Variants in CES5A observed in about 807,000 individuals in gnomAD.
The protein encoded by CES5A is carboxylesterase 5.
CES5A carries 67 observed loss-of-function variants against 62.9 expected under a neutral mutation model. That is an observed-to-expected ratio of 1.07 (90% confidence interval 0.88 to 1.31). The LOEUF (loss-of-function observed/expected upper bound fraction) is 1.31, where lower values mean the gene tolerates loss of function less well. CES5A is among the 50% of genes most tolerant of loss of function. CES5A has a pLI of 0.00. For missense variants in CES5A, 748 were observed against 708.5 expected (o/e 1.06, Z -0.63); for synonymous variants, 296 against 280.8 (o/e 1.05, Z -0.54).
chr16:55,898,865 A>G (rs575376704), intron 1 of CES5A, among the ~76,000 whole-genome samples: 62 of 152,070 alleles, frequency 4.1e-4, no homozygotes, highest in African/African-American at 1.5e-3. Context: ...CCCAGAGACC[A>G]CTGTGTGTCT....
chr16:55,864,130 G>A (rs28582485), intron 5 of CES5A, among the ~76,000 whole-genome samples: 231 of 152,302 alleles, frequency 1.5e-3, no homozygotes, highest in African/African-American at 5.4e-3. Context: ...ACTGTTGTGA[G>A]GAGCAGGGGA....
At chr16:55,945,953 A>G (rs1318076488) in intron 2 of CES5A, among the ~76,000 whole-genome samples, 2 of 152,068 alleles carry the variant, frequency 1.3e-5, no homozygotes, top group African/African-American at 2.4e-5. Flanking sequence ...CTCCTGAGCA[A>G]TTCCCCACCC....
intron 1 of CES5A, among the ~76,000 whole-genome samples, chr16:55,918,674 A>G (rs60112084): frequency 6.6e-6 from 1 of 152,218 alleles, no homozygotes; most frequent in African/African-American, 2.4e-5. Context: ...CCAGGAGCTT[A>G]CAGATAAGCA....
chr16:55,874,315 C>A (rs2142416448), intron 1 of CES5A, among the ~76,000 whole-genome samples: 1 of 152,332 alleles, frequency 6.6e-6, no homozygotes, highest in East Asian at 1.9e-4. Context: ...CATCTCCCTT[C>A]TGCTGAGAGC....
Position 55,846,423 on chromosome 16 carries a change from G to A in CES5A, c.*28C>T. ...CGGGAGAAATTATGGGAGGAGAAGG[G>A]AAACCAAAATCACAGAAAGATAACT... is the stretch of plus-strand genomic sequence containing the variant. On this transcript the variant is annotated 3_prime_UTR_variant, in exon 13 of 13. Transcript: ENST00000290567. The A allele has an allele frequency of 6.3e-7, 1 of 1,582,464 alleles. No individual in the cohort carries two copies.
intron 5 of CES5A, among the ~76,000 whole-genome samples, chr16:55,864,041 C>T (rs1202476590): frequency 9.8e-5 from 15 of 152,286 alleles, no homozygotes; most frequent in Admixed American, 9.8e-4. Context: ...CCACCGCACC[C>T]AGCCAAGTTG....
intron 1 of CES5A, among the ~76,000 whole-genome samples, chr16:55,892,520 T>G (rs1301952157): frequency 3.3e-5 from 5 of 152,318 alleles, no homozygotes; most frequent in African/African-American, 1.2e-4. Context: ...CAAGGTTTGT[T>G]TAATATTTGA....
intron 1 of CES5A, among the ~76,000 whole-genome samples, chr16:55,895,072 GCTGAC>G (rs1169842830): frequency 2.6e-5 from 4 of 152,184 alleles, no homozygotes; most frequent in African/African-American, 9.7e-5. Context: ...CTCACATCTG[GCTGAC>G]CTTCAGACTC....
At chr16:55,858,942 T>C (rs2033298159) in intron 8 of CES5A, among the ~76,000 whole-genome samples, 3 of 152,188 alleles carry the variant, frequency 2.0e-5, no homozygotes, top group Admixed American at 1.3e-4. Flanking sequence ...TCCTCACTTG[T>C]GTCCTTCATA....
intron 8 of CES5A, among the ~76,000 whole-genome samples, chr16:55,856,720 T>G (rs2033251755): frequency 6.6e-6 from 1 of 152,254 alleles, no homozygotes; most frequent in African/African-American, 2.4e-5. Context: ...GGCTTAATTG[T>G]GGCCCCCTCA....
At chr16:55,860,705 G>C (rs1351694720) in intron 7 of CES5A, among the ~76,000 whole-genome samples, 1 of 152,152 alleles carries the variant, frequency 6.6e-6, no homozygotes, top group Admixed American at 6.5e-5. Flanking sequence ...TTTGAGATTT[G>C]GGTAGAAAGG....
At chr16:55,916,282 T>A (rs1454684380) in intron 1 of CES5A, among the ~76,000 whole-genome samples, 4 of 152,204 alleles carry the variant, frequency 2.6e-5, no homozygotes, top group African/African-American at 9.7e-5. Context: ...CCTGGAATAA[T>A]GACTGGTAAT....
At chr16:55,932,231 C>G (rs910809997) in intron 2 of CES5A, among the ~76,000 whole-genome samples, 20 of 152,324 alleles carry the variant, frequency 1.3e-4, no homozygotes, top group Admixed American at 1.1e-3. Flanking sequence ...CCTCAGGACT[C>G]TGCAGAGAGT....
At chr16:55,909,032 C>T (rs1007468961) in intron 1 of CES5A, among the ~76,000 whole-genome samples, 27 of 152,298 alleles carry the variant, frequency 1.8e-4, no homozygotes, top group Middle Eastern at 3.4e-3. Flanking sequence ...CAACAGGGAA[C>T]GAATGCTCCA....
upstream of CES5A, among the ~76,000 whole-genome samples, chr16:55,878,528 T>C (rs1387460128): frequency 6.6e-6 from 1 of 151,792 alleles, no homozygotes; most frequent in Non-Finnish European, 1.5e-5. Context: ...GGCTCCATTC[T>C]ACAATTCCAA....
intron 11 of CES5A, among the ~76,000 whole-genome samples, chr16:55,847,694 T>C (rs2033044384): frequency 6.6e-6 from 1 of 152,176 alleles, no homozygotes; most frequent in African/African-American, 2.4e-5. Context: ...TTGTCACTTA[T>C]CAAACTGCCA....
At chr16:55,894,505 AAAAAAAAAAAG>A (rs1239620959) in intron 1 of CES5A, among the ~76,000 whole-genome samples, 2 of 150,904 alleles carry the variant, frequency 1.3e-5, no homozygotes, top group Non-Finnish European at 3.0e-5. Flanking sequence ...TCTCAAAAAA[AAAAAAAAAAAG>A]AAAAGAAAAG....
intron 10 of CES5A, among the ~76,000 whole-genome samples, chr16:55,850,210 T>G (rs1306160880): frequency 7.9e-5 from 12 of 152,240 alleles, no homozygotes; most frequent in African/African-American, 2.7e-4. Flanking sequence ...AACAATATTT[T>G]TAAAGCAAAA....
At chr16:55,949,772 T>A in intron 2 of CES5A, 1 of 1,365,804 alleles carries the variant, frequency 7.3e-7, no homozygotes, top group Admixed American at 2.3e-5. Context: ...TAAATTCTTG[T>A]CAAACAACTC....
Sources: gnomAD v4.1 joint callset for allele counts (sites outside exome capture counted in the v4.1 genomes callset) on GRCh38, gnomAD v4.1.1 for gene constraint, MANE v1.5 for transcripts, NCBI Gene and HGNC (gene_info 2026-07-23, HGNC 2026-07-21) for gene names.